Variants in INTS4 observed in about 807,000 individuals in gnomAD.
INTS4 encodes the protein MSTP093.
In INTS4, 70 loss-of-function variants were observed where a neutral mutation model predicts 119.5. That is an observed-to-expected ratio of 0.59 (90% CI 0.48 to 0.71). The LOEUF (loss-of-function observed/expected upper bound fraction) is 0.71. INTS4 is among the 30% of genes least tolerant of loss of function. INTS4 has a pLI of 0.00. For missense variants in INTS4, 867 were observed against 1,173.2 expected (o/e 0.74, Z 3.81); for synonymous variants, 316 against 419.6 (o/e 0.75, Z 3.02).
intron 8 of INTS4, among the ~76,000 whole-genome samples, chr11:77,949,984 T>C (rs193210958): frequency 3.6e-4 from 55 of 152,220 alleles, no homozygotes; most frequent in African/African-American, 1.3e-3. Flanking sequence ...CCATCAATGA[T>C]AGACTGGACA....
At chr11:77,927,093 T>C (rs952073937) in intron 11 of INTS4, among the ~76,000 whole-genome samples, 1 of 151,828 alleles carries the variant, frequency 6.6e-6, no homozygotes, top group African/African-American at 2.4e-5. Context: ...TTGCAAACTG[T>C]GGGGGAAAAT....
At chr11:77,883,607 C>G (rs1331921348) in intron 22 of INTS4, among the ~76,000 whole-genome samples, 6 of 152,108 alleles carry the variant, frequency 3.9e-5, no homozygotes, top group Non-Finnish European at 8.8e-5. Flanking sequence ...TGTATATCTT[C>G]CAACAGAATC....
intron 12 of INTS4, among the ~76,000 whole-genome samples, chr11:77,923,796 G>C (rs1953425860): frequency 7.5e-6 from 1 of 133,322 alleles, no homozygotes; most frequent in Non-Finnish European, 1.6e-5. Context: ...ACTGAGTCTT[G>C]CTCTGCTGCC....
At chr11:77,901,242 T>C in intron 18 of INTS4, 179 bp downstream of exon 18, 2 of 719,888 alleles carry the variant, frequency 2.8e-6, no homozygotes, top group Non-Finnish European at 4.8e-6. Flanking sequence ...TCCAAGGGTC[T>C]AATCTGATCC....
intron 1 of INTS4, among the ~76,000 whole-genome samples, chr11:77,991,568 T>C (rs1856687999): frequency 6.6e-6 from 1 of 152,038 alleles, no homozygotes; most frequent in South Asian, 2.1e-4. Flanking sequence ...TTTTTTTTTT[T>C]CTTAGAGATG....
At chr11:77,903,704 T>C (rs1429071894) in intron 16 of INTS4, 84 bp from the exon 17 acceptor site, 14 of 1,011,414 alleles carry the variant, frequency 1.4e-5, no homozygotes, top group Non-Finnish European at 1.9e-5. Flanking sequence ...TTGTTTTCCT[T>C]TGAAAGTCTC....
intron 9 of INTS4, among the ~76,000 whole-genome samples, chr11:77,939,787 G>A (rs1313994422): frequency 1.3e-5 from 2 of 151,786 alleles, no homozygotes; most frequent in East Asian, 2.0e-4. Context: ...AGAGGTTGCA[G>A]TGAACCAAGA....
intron 4 of INTS4, among the ~76,000 whole-genome samples, chr11:77,967,749 A>C (rs2136606174): frequency 6.6e-6 from 1 of 152,228 alleles, no homozygotes; most frequent in South Asian, 2.1e-4. Flanking sequence ...ACCAGATTGC[A>C]AGACATTTTA....
intron 18 of INTS4, among the ~76,000 whole-genome samples, chr11:77,895,966 C>T (rs1459053030): frequency 1.3e-5 from 2 of 152,160 alleles, no homozygotes; most frequent in African/African-American, 4.8e-5. Context: ...CCAATTTAAA[C>T]TAGTCTAGAC....
At chr11:77,926,325 C>G (rs895513919) in intron 11 of INTS4, among the ~76,000 whole-genome samples, 1 of 152,076 alleles carries the variant, frequency 6.6e-6, no homozygotes, top group African/African-American at 2.4e-5. Context: ...TTATATTGGT[C>G]TGAACTCCTG....
intron 10 of INTS4, among the ~76,000 whole-genome samples, chr11:77,936,678 T>G (rs1363827193): frequency 6.6e-6 from 1 of 152,036 alleles, no homozygotes; most frequent in Admixed American, 6.6e-5. Context: ...GGGATTAACA[T>G]CAGATTATAT....
At chr11:77,969,824 G>A (rs571644261) in intron 4 of INTS4, among the ~76,000 whole-genome samples, 64 of 149,474 alleles carry the variant, frequency 4.3e-4, no homozygotes, top group Admixed American at 1.3e-3. Context: ...CTCTCTGTTC[G>A]CCTAAGCCCT....
chr11:77,884,387 A>ATC (rs1164003776), intron 21 of INTS4, among the ~76,000 whole-genome samples: 1 of 152,112 alleles, frequency 6.6e-6, no homozygotes, highest in East Asian at 1.9e-4. Flanking sequence ...GAAGTCATTT[A>ATC]TCTCTCTCTC....
intron 17 of INTS4, 108 bp downstream of exon 17, chr11:77,903,432 C>T: frequency 6.2e-7 from 1 of 1,607,822 alleles, no homozygotes; most frequent in Non-Finnish European, 8.5e-7. Context: ...CACAACTTTT[C>T]CTGCAAGGCC....
chr11:77,897,060 G>A (rs59239088), intron 18 of INTS4, among the ~76,000 whole-genome samples: 25,194 of 151,776 alleles, frequency 0.17, 2,599 homozygotes, highest in African/African-American at 0.26. Context: ...AACCTATTCT[G>A]GTGTGGCGGG....
At chr11:77,952,672 A>G (rs1355865062) in intron 8 of INTS4, among the ~76,000 whole-genome samples, 1 of 152,194 alleles carries the variant, frequency 6.6e-6, no homozygotes, top group African/African-American at 2.4e-5. Flanking sequence ...TTTAACATGA[A>G]ATTGTAACAC....
At chr11:77,986,354 G>C (rs1361820942) in intron 2 of INTS4, among the ~76,000 whole-genome samples, 1 of 152,180 alleles carries the variant, frequency 6.6e-6, no homozygotes, top group Non-Finnish European at 1.5e-5. Flanking sequence ...ATGCTGGAGA[G>C]GATGTGGAGA....
chr11:77,943,496 T>C (rs565104698), intron 8 of INTS4, among the ~76,000 whole-genome samples: 21 of 152,322 alleles, frequency 1.4e-4, no homozygotes, highest in African/African-American at 4.8e-4. Flanking sequence ...CTCTGGTTCA[T>C]GACTTAGCAG....
intron 2 of INTS4, among the ~76,000 whole-genome samples, chr11:77,981,982 C>T (rs1191950372): frequency 1.3e-5 from 2 of 152,038 alleles, no homozygotes; most frequent in African/African-American, 4.8e-5. Flanking sequence ...ACCTGACCTC[C>T]ACTGAGTAGT....
Sources: gnomAD v4.1 joint callset for allele counts (sites outside exome capture counted in the v4.1 genomes callset) on GRCh38, gnomAD v4.1.1 for gene constraint, MANE v1.5 for transcripts, NCBI Gene and HGNC (gene_info 2026-07-23, HGNC 2026-07-21) for gene names.